Variants in PIK3C2G observed in about 807,000 individuals in gnomAD.
PIK3C2G encodes phosphatidylinositol-4-phosphate 3-kinase catalytic subunit type 2 gamma.
In PIK3C2G, 168 loss-of-function variants were observed where a neutral mutation model predicts 181.1. The ratio of observed to expected loss-of-function variants is 0.93; its 90% CI spans 0.82 to 1.05. The LOEUF (loss-of-function observed/expected upper bound fraction) is 1.05. Ranked by LOEUF, PIK3C2G falls within the 50% of genes least tolerant of loss-of-function variation. PIK3C2G has a pLI of 0.00. For missense variants in PIK3C2G, 1,869 were observed against 1,732.8 expected (o/e 1.08, Z -1.40); for synonymous variants, 573 against 592.2 (o/e 0.97, Z 0.47).
chr12:18,521,110 G>T (rs1942885844), intron 24 of PIK3C2G, among the ~76,000 whole-genome samples: 1 of 152,134 alleles, frequency 6.6e-6, no homozygotes. Context: ...CAGCAAAGGT[G>T]GGTGCCTGTG....
chr12:18,472,005 T>C (rs1938506248), intron 18 of PIK3C2G, among the ~76,000 whole-genome samples: 2 of 152,176 alleles, frequency 1.3e-5, no homozygotes, highest in Non-Finnish European at 2.9e-5. Flanking sequence ...CTTAGTAGGC[T>C]GTGAGAAATT....
At chr12:18,246,221 A>T (rs1948038501), upstream of PIK3C2G, among the ~76,000 whole-genome samples, 1 of 152,134 alleles carries the variant, frequency 6.6e-6, no homozygotes, top group Admixed American at 6.6e-5. Flanking sequence ...CCAAAACATG[A>T]TAGCTGGCTG....
intron 18 of PIK3C2G, among the ~76,000 whole-genome samples, chr12:18,474,081 A>G (rs1471706803): frequency 6.6e-6 from 1 of 152,162 alleles, no homozygotes; most frequent in Non-Finnish European, 1.5e-5. Context: ...TGTGAATACC[A>G]AGAACAACAA....
At chr12:18,416,097 T>C (rs889718850) in intron 16 of PIK3C2G, among the ~76,000 whole-genome samples, 3 of 152,000 alleles carry the variant, frequency 2.0e-5, no homozygotes, top group African/African-American at 4.8e-5. Flanking sequence ...ATACAAAAAT[T>C]AGCTGGGTGT....
At chr12:18,662,343 A>G in the PIK3C2G span, among the ~76,000 whole-genome samples, 1 of 152,174 alleles carries the variant, frequency 6.6e-6, no homozygotes, top group African/African-American at 2.4e-5. Flanking sequence ...AAAAAACACA[A>G]AATTGAGGGA....
At position 18,488,505 on chromosome 12, in the gene PIK3C2G, T is replaced by C. The variant is rs201682306; in HGVS notation, c.2561T>C (p.Leu854Pro). The C allele has an allele frequency of 3.6e-4, 567 of 1,569,466 alleles. 4 individuals are homozygous for C. Among genetic ancestry groups the C allele is most frequent in the Non-Finnish European group, 4.4e-5 (51 of 1,158,096 alleles). Residue 854 changes from leucine to proline, a missense_variant, in exon 19 of 33, where the codon CTA (leucine) becomes CCA (proline). Coordinates refer to ENST00000538779, the MANE Select transcript of PIK3C2G (RefSeq NM_001288772.2). Reference protein sequence around the residue: ...AYFKSWYQKLLAALQFCAGKA... With the variant: ...AYFKSWYQKLPAALQFCAGKA... ...TTTAAAAGCTGGTATCAGAAGCTAC[T>C]AGCTGCTCTCCAATTCTGTGCAGGT...
chr12:18,265,736 G>T (rs936026963), intron 1 of PIK3C2G, among the ~76,000 whole-genome samples: 3 of 151,900 alleles, frequency 2.0e-5, no homozygotes, highest in Non-Finnish European at 4.4e-5. Flanking sequence ...GCAATAGGCT[G>T]GGCGTGGTGG....
At chr12:18,339,075 A>G (rs894289879) in intron 9 of PIK3C2G, among the ~76,000 whole-genome samples, 2 of 152,092 alleles carry the variant, frequency 1.3e-5, no homozygotes, top group Non-Finnish European at 2.9e-5. Context: ...GTGACTTTCT[A>G]TGGATCCCAC....
chr12:18,520,364 T>A (rs1160196740), intron 24 of PIK3C2G, among the ~76,000 whole-genome samples: 1 of 152,140 alleles, frequency 6.6e-6, no homozygotes, highest in East Asian at 1.9e-4. Context: ...CAATCAGTCA[T>A]AGCTTTGGTC....
chr12:18,724,437 G>C, the PIK3C2G span, among the ~76,000 whole-genome samples: 1 of 152,032 alleles, frequency 6.6e-6, no homozygotes, highest in Non-Finnish European at 1.5e-5. Context: ...TTTCAGCTAA[G>C]AGGGAGATTT....
intron 1 of PIK3C2G, among the ~76,000 whole-genome samples, chr12:18,272,406 T>C (rs1304395291): frequency 6.6e-6 from 1 of 152,178 alleles, no homozygotes; most frequent in African/African-American, 2.4e-5. Context: ...ACAAAACACC[T>C]GGCTGCTTCT....
intron 14 of PIK3C2G, among the ~76,000 whole-genome samples, chr12:18,389,676 G>A (rs1331543415): frequency 6.6e-6 from 1 of 151,990 alleles, no homozygotes; most frequent in Non-Finnish European, 1.5e-5. Context: ...AGGCAACTAG[G>A]AAAAATTCCA....
intron 14 of PIK3C2G, among the ~76,000 whole-genome samples, chr12:18,388,255 C>T (rs983733206): frequency 6.6e-6 from 1 of 151,856 alleles, no homozygotes; most frequent in Non-Finnish European, 1.5e-5. Flanking sequence ...GTCTAACATA[C>T]GTATGTCTTT....
chr12:18,307,740 T>A (rs1449494410), intron 5 of PIK3C2G, among the ~76,000 whole-genome samples: 1 of 151,862 alleles, frequency 6.6e-6, no homozygotes, highest in African/African-American at 2.4e-5. Context: ...TTCCCACCCT[T>A]CTTTCTATTA....
chr12:18,341,113 A>G (rs1252056974), intron 9 of PIK3C2G, among the ~76,000 whole-genome samples: 1 of 152,194 alleles, frequency 6.6e-6, no homozygotes, highest in African/African-American at 2.4e-5. Flanking sequence ...CAACGAGGAA[A>G]ATATAATTTT....
intron 30 of PIK3C2G, among the ~76,000 whole-genome samples, chr12:18,595,129 T>C (rs374758356): frequency 1.1e-4 from 17 of 152,232 alleles, no homozygotes; most frequent in African/African-American, 4.1e-4. Context: ...ACATATTTCC[T>C]AGCACAATAT....
At chr12:18,564,859 C>G (rs977373951) in intron 28 of PIK3C2G, among the ~76,000 whole-genome samples, 3 of 152,100 alleles carry the variant, frequency 2.0e-5, no homozygotes, top group Non-Finnish European at 4.4e-5. Context: ...AACGGCTATC[C>G]TTTTTTGGTT....
At chr12:18,607,677 AC>A (rs1289294844) in intron 30 of PIK3C2G, among the ~76,000 whole-genome samples, 1 of 152,226 alleles carries the variant, frequency 6.6e-6, no homozygotes, top group African/African-American at 2.4e-5. Context: ...AACAATGGCA[AC>A]AAAAGCCAAA....
intron 10 of PIK3C2G, among the ~76,000 whole-genome samples, chr12:18,345,917 G>A (rs904077210): frequency 1.3e-5 from 2 of 152,152 alleles, no homozygotes; most frequent in African/African-American, 4.8e-5. Context: ...AATTTCTGAT[G>A]ATGTGCTTAC....
Sources: gnomAD v4.1 joint callset for allele counts (sites outside exome capture counted in the v4.1 genomes callset) on GRCh38, gnomAD v4.1.1 for gene constraint, MANE v1.5 for transcripts, NCBI Gene and HGNC (gene_info 2026-07-23, HGNC 2026-07-21) for gene names.